Variants in CDH18 observed in about 807,000 individuals in gnomAD.
CDH18 encodes the protein cadherin 18, also known as cadherin-18.
A neutral mutation model predicts 67.9 loss-of-function variants in CDH18; 31 were observed. The observed-to-expected ratio is 0.46, with a 90% confidence interval of 0.34 to 0.62. The LOEUF (loss-of-function observed/expected upper bound fraction) is 0.62, where lower values mean the gene tolerates loss of function less well. CDH18 is among the 20% of genes least tolerant of loss of function. The probability of loss-of-function intolerance (pLI) is 0.01; values close to 1 mark genes in which losing one functional copy is unlikely to be tolerated. For missense variants in CDH18, 890 were observed against 975.5 expected (o/e 0.91, Z 1.17); for synonymous variants, 362 against 347.2 (o/e 1.04, Z -0.48).
chr5:19,927,675 T>G (rs1383130159), intron 2 of CDH18, among the ~76,000 whole-genome samples: 1 of 152,176 alleles, frequency 6.6e-6, no homozygotes, highest in African/African-American at 2.4e-5. Flanking sequence ...AATGCAGACA[T>G]GTAATTTTTT....
At chr5:20,384,400 G>A (rs535168227) in intron 1 of CDH18, among the ~76,000 whole-genome samples, 3 of 152,222 alleles carry the variant, frequency 2.0e-5, no homozygotes, top group African/African-American at 7.2e-5. Flanking sequence ...CACCCATGTT[G>A]TCGCCTATAG....
chr5:19,854,090 A>C (rs1784007937), intron 2 of CDH18, among the ~76,000 whole-genome samples: 1 of 152,144 alleles, frequency 6.6e-6, no homozygotes, highest in Non-Finnish European at 1.5e-5. Flanking sequence ...AACATATCAC[A>C]AATACCATCA....
intron 8 of CDH18, among the ~76,000 whole-genome samples, chr5:19,550,244 T>G (rs1375147411): frequency 6.6e-6 from 1 of 152,142 alleles, no homozygotes; most frequent in Admixed American, 6.5e-5. Context: ...CATGTTAGAC[T>G]TTAGTAGTAA....
rs538577794 is a variant in CDH18, at chr5:19,998,480, G to A, written c.-517-6466C>T. Among the ~76,000 whole-genome samples the A allele has an allele frequency of 3.7e-4, 57 of 152,064 alleles. 2 individuals are homozygous for A. In the South Asian group the frequency reaches 7.9e-3, roughly 21 times the overall value. ...GAAGGAGATAATAAATTGATTTGAG[G>A]TCACATTGACTTTGATAGGACCATT... is the stretch of plus-strand genomic sequence containing the variant. On this transcript the variant is annotated intron_variant, in intron 2 of 14. Transcript: ENST00000507958.
intron 1 of CDH18, among the ~76,000 whole-genome samples, chr5:20,485,403 T>C (rs903137613): frequency 2.2e-4 from 33 of 152,168 alleles, no homozygotes; most frequent in African/African-American, 7.5e-4. Flanking sequence ...ATCCTGAATA[T>C]GACAATGGGC....
chr5:19,586,643 A>C (rs1234050076), intron 7 of CDH18, among the ~76,000 whole-genome samples: 2 of 152,122 alleles, frequency 1.3e-5, no homozygotes, highest in Non-Finnish European at 2.9e-5. Context: ...TGTCTTTACT[A>C]TTGTGAATAG....
chr5:20,378,309 C>G (rs572260871), intron 1 of CDH18, among the ~76,000 whole-genome samples: 1 of 152,182 alleles, frequency 6.6e-6, no homozygotes, highest in Admixed American at 6.5e-5. Context: ...GTAGCTGGGA[C>G]TACAGGCACC....
chr5:20,502,051 G>A (rs763879886), intron 1 of CDH18, among the ~76,000 whole-genome samples: 6 of 151,962 alleles, frequency 3.9e-5, no homozygotes, highest in Admixed American at 6.6e-5. Context: ...CTTTTAGGAC[G>A]AGCTGCTCTG....
chr5:19,496,564 G>A lies in CDH18; in HGVS notation c.1630+6428C>T, dbSNP rs1742359494. On this transcript the variant is annotated intron_variant, in intron 11 of 12. Coordinates refer to ENST00000382275, the MANE Select transcript of CDH18 (RefSeq NM_004934.5). The stretch of plus-strand genomic sequence containing the variant: ...ACATTGACTCACACCTGTAATTCCA[G>A]GATTTTGGGAGGCCAAGGCGGGTGG... Among the ~76,000 whole-genome samples, 3 of 152,092 alleles carry A rather than the reference G, an allele frequency of 2.0e-5. No homozygotes were observed. The South Asian group carries it at 6.2e-4, about 32-fold the overall frequency.
At position 20,167,326 on chromosome 5, in the gene CDH18, C is replaced by A. The variant is rs533542254; in HGVS notation, c.-518+88118G>T. 5.3e-5 allele frequency among the ~76,000 whole-genome samples: 8 copies of A among 152,192 alleles called. No individual in the cohort carries two copies. The South Asian group carries it at 1.7e-3, about 32-fold the overall frequency. Reference sequence around the variant, plus strand: ...ATTTTAAATTCACAACCCCCAGGGTCTTCTTGTGGTTTATTTTGCTTTTTA... The same window carrying A: ...ATTTTAAATTCACAACCCCCAGGGTATTCTTGTGGTTTATTTTGCTTTTTA... On this transcript the variant is annotated intron_variant, in intron 2 of 14. Coordinates refer to the CDH18 transcript ENST00000507958.
chr5:20,452,832 A>T (rs1244763302), intron 1 of CDH18, among the ~76,000 whole-genome samples: 6 of 152,236 alleles, frequency 3.9e-5, no homozygotes, highest in African/African-American at 1.4e-4. Context: ...AATGCATTGG[A>T]TATGTTAATT....
intron 2 of CDH18, among the ~76,000 whole-genome samples, chr5:20,225,214 C>T (rs1426375647): frequency 6.6e-6 from 1 of 152,124 alleles, no homozygotes; most frequent in Non-Finnish European, 1.5e-5. Context: ...TTTTCCTTCA[C>T]AGCTGTCATC....
intron 3 of CDH18, among the ~76,000 whole-genome samples, chr5:19,815,162 A>G (rs2149915622): frequency 6.6e-6 from 1 of 152,176 alleles, no homozygotes; most frequent in South Asian, 2.1e-4. Flanking sequence ...CTCTGCATCC[A>G]GTTTGTTGGA....
chr5:20,051,813 C>A (rs996428428), intron 2 of CDH18, among the ~76,000 whole-genome samples: 2 of 152,060 alleles, frequency 1.3e-5, no homozygotes, highest in Admixed American at 6.6e-5. Flanking sequence ...TGAGTAACAT[C>A]TTTTTCACAA....
intron 1 of CDH18, among the ~76,000 whole-genome samples, chr5:20,552,807 G>T (rs1757706484): frequency 6.6e-6 from 1 of 151,744 alleles, no homozygotes; most frequent in African/African-American, 2.4e-5. Flanking sequence ...AGGCTGGAGT[G>T]CAGTGGCGTG....
chr5:20,423,869 CCCGGGAGGTGGA>C (rs1748056162), intron 1 of CDH18, among the ~76,000 whole-genome samples: 1 of 145,314 alleles, frequency 6.9e-6, no homozygotes, highest in South Asian at 2.1e-4. Context: ...ATGGCATGAA[CCCGGGAGGTGGA>C]GCTTGCAGTG....
chr5:20,008,704 A>C (rs560221382), intron 2 of CDH18, among the ~76,000 whole-genome samples: 3 of 152,158 alleles, frequency 2.0e-5, no homozygotes, highest in Admixed American at 6.5e-5. Context: ...GATTAAACAC[A>C]AGTTTGCTGC....
intron 2 of CDH18, among the ~76,000 whole-genome samples, chr5:19,943,884 T>A (rs1035063349): frequency 2.0e-5 from 3 of 152,068 alleles, no homozygotes; most frequent in African/African-American, 4.8e-5. Context: ...CTAAAAGCAA[T>A]GAAATATAAG....
intron 10 of CDH18, among the ~76,000 whole-genome samples, chr5:19,519,917 T>C (rs970047237): frequency 2.0e-5 from 3 of 152,174 alleles, no homozygotes; most frequent in African/African-American, 7.2e-5. Flanking sequence ...ACCTTGATTA[T>C]AGTCTTGCGA....
Sources: allele counts gnomAD v4.1 joint callset (sites outside exome capture counted in the v4.1 genomes callset), GRCh38; gene constraint gnomAD v4.1.1; transcripts MANE v1.5; gene names NCBI Gene and HGNC (gene_info 2026-07-23, HGNC 2026-07-21).